The following EPM2A variants were observed in gnomAD, a reference collection of about 807,000 sequenced individuals.
EPM2A encodes EPM2A glucan phosphatase, laforin.
EPM2A carries 21 observed loss-of-function variants against 26.5 expected under a neutral mutation model. The ratio of observed to expected loss-of-function variants is 0.79; its 90% CI spans 0.56 to 1.14. The LOEUF (loss-of-function observed/expected upper bound fraction) is 1.14. Among genes scored for constraint, EPM2A ranks in the 50% most tolerant of loss-of-function variants. The probability of loss-of-function intolerance (pLI) is 0.00; values close to 1 mark genes in which losing one functional copy is unlikely to be tolerated. For missense variants in EPM2A, 458 were observed against 440.8 expected, an observed-to-expected ratio of 1.04 and a Z score of -0.35; for synonymous variants, 217 against 177.6, an observed-to-expected ratio of 1.22 and a Z score of -1.76.
intron 2 of EPM2A, among the ~76,000 whole-genome samples, chr6:145,601,216 G>T (rs553317175): frequency 6.6e-6 from 1 of 152,084 alleles, no homozygotes; most frequent in African/African-American, 2.4e-5. Context: ...ATAATATAAG[G>T]TATAACCTTT....
intron 4 of EPM2A, among the ~76,000 whole-genome samples, chr6:145,446,459 T>C (rs1341312776): frequency 6.6e-6 from 1 of 152,252 alleles, no homozygotes; most frequent in African/African-American, 2.4e-5. Flanking sequence ...GTAATTTTTG[T>C]TGAAGGGCAG....
At chr6:145,450,215 T>C (rs1054203881) in intron 4 of EPM2A, among the ~76,000 whole-genome samples, 8 of 151,012 alleles carry the variant, frequency 5.3e-5, no homozygotes, top group Admixed American at 4.6e-4. Flanking sequence ...TAGCTGGGCG[T>C]GGTGGCGGGT....
chr6:145,413,443 G>A (rs1778669115), intron 4 of EPM2A, among the ~76,000 whole-genome samples: 1 of 152,106 alleles, frequency 6.6e-6, no homozygotes, highest in South Asian at 2.1e-4. Context: ...AAGAAGGCAG[G>A]AATAGAGTTT....
At chr6:145,405,353 T>A (rs1778552419) in intron 4 of EPM2A, among the ~76,000 whole-genome samples, 1 of 152,152 alleles carries the variant, frequency 6.6e-6, no homozygotes, top group African/African-American at 2.4e-5. Context: ...TCTGCGTGTC[T>A]GCTGTGGCTG....
At chr6:145,551,778 G>C (rs917758246) in intron 2 of EPM2A, among the ~76,000 whole-genome samples, 1 of 151,132 alleles carries the variant, frequency 6.6e-6, no homozygotes, top group African/African-American at 2.4e-5. Flanking sequence ...AAATCCAAAG[G>C]ATTCACACGA....
chr6:145,468,657 A>T (rs1365155382), intron 4 of EPM2A, among the ~76,000 whole-genome samples: 1 of 152,156 alleles, frequency 6.6e-6, no homozygotes, highest in African/African-American at 2.4e-5. Context: ...CTTAAATCTA[A>T]GGCCTCAAAC....
At chr6:145,536,452 C>T (rs1342837651) in intron 2 of EPM2A, among the ~76,000 whole-genome samples, 2 of 152,214 alleles carry the variant, frequency 1.3e-5, no homozygotes, top group East Asian at 3.9e-4. Context: ...TGTGCCACCA[C>T]ACCCGGCTAA....
intron 4 of EPM2A, among the ~76,000 whole-genome samples, chr6:145,406,336 C>A (rs1395226353): frequency 6.6e-6 from 1 of 152,094 alleles, no homozygotes; most frequent in East Asian, 1.9e-4. Context: ...TAACATTTTT[C>A]TTTTTACATA....
At chr6:145,487,679 G>C (rs934013175) in intron 4 of EPM2A, among the ~76,000 whole-genome samples, 1 of 151,362 alleles carries the variant, frequency 6.6e-6, no homozygotes, top group African/African-American at 2.4e-5. Context: ...TTTGTTTCTT[G>C]TAAATTTATT....
chr6:145,569,346 T>C (rs1462384064), intron 2 of EPM2A, among the ~76,000 whole-genome samples: 1 of 152,194 alleles, frequency 6.6e-6, no homozygotes, highest in Admixed American at 6.5e-5. Flanking sequence ...TTCATAACAG[T>C]ACATTCAGAT....
At chr6:145,527,169 T>C (rs1780286531) in intron 2 of EPM2A, among the ~76,000 whole-genome samples, 1 of 152,066 alleles carries the variant, frequency 6.6e-6, no homozygotes, top group Non-Finnish European at 1.5e-5. Flanking sequence ...CATTTTGATT[T>C]TTAAAAAAAA....
intron 2 of EPM2A, among the ~76,000 whole-genome samples, chr6:145,553,762 C>T (rs1437785951): frequency 2.7e-5 from 4 of 150,046 alleles, no homozygotes; most frequent in Non-Finnish European, 5.9e-5. Context: ...GTCCTGGAGA[C>T]AGTCTTTTAC....
intron 2 of EPM2A, among the ~76,000 whole-genome samples, chr6:145,542,748 G>GT (rs1304230485): frequency 6.6e-5 from 10 of 151,826 alleles, no homozygotes; most frequent in Admixed American, 5.3e-4. Flanking sequence ...GTTTTTTTCT[G>GT]TTTTTGGTTT....
intron 1 of EPM2A, among the ~76,000 whole-genome samples, chr6:145,714,706 T>A (rs1046518768): frequency 6.6e-6 from 1 of 152,160 alleles, no homozygotes. Context: ...ACATCTTACA[T>A]GGATGACAGC....
At chr6:145,506,183 T>C (rs183821834) in intron 2 of EPM2A, among the ~76,000 whole-genome samples, 1 of 152,366 alleles carries the variant, frequency 6.6e-6, no homozygotes, top group Admixed American at 6.5e-5. Flanking sequence ...TTGATTTGTG[T>C]TATAGCAGAA....
intron 2 of EPM2A, among the ~76,000 whole-genome samples, chr6:145,574,441 A>G (rs1181614098): frequency 6.6e-6 from 1 of 152,096 alleles, no homozygotes; most frequent in Non-Finnish European, 1.5e-5. Flanking sequence ...AATTATTCCC[A>G]TTGTATTTCA....
At chr6:145,505,443 GAA>G (rs1233043022) in intron 2 of EPM2A, among the ~76,000 whole-genome samples, 1 of 150,978 alleles carries the variant, frequency 6.6e-6, no homozygotes, top group African/African-American at 2.4e-5. Flanking sequence ...TTTTTTTCCT[GAA>G]CTATGTAAAA....
intron 4 of EPM2A, among the ~76,000 whole-genome samples, chr6:145,440,072 G>A (rs563751929): frequency 3.3e-5 from 5 of 152,278 alleles, no homozygotes; most frequent in East Asian, 1.9e-4. Context: ...TGAATAGGGA[G>A]TTATATTAGC....
At chr6:145,603,243 C>G (rs1781439377) in intron 2 of EPM2A, among the ~76,000 whole-genome samples, 1 of 150,198 alleles carries the variant, frequency 6.7e-6, no homozygotes, top group African/African-American at 2.5e-5. Context: ...TCTGCACAAA[C>G]TAAACTACTT....
Sources: gnomAD v4.1 joint callset for allele counts (sites outside exome capture counted in the v4.1 genomes callset) on GRCh38, gnomAD v4.1.1 for gene constraint, MANE v1.5 for transcripts, NCBI Gene and HGNC (gene_info 2026-07-23, HGNC 2026-07-21) for gene names.